Variants in MYT1L observed in about 807,000 individuals in gnomAD.
MYT1L encodes myelin transcription factor 1 like.
In MYT1L, 12 loss-of-function variants were observed where a neutral mutation model predicts 126.7. That is an observed-to-expected ratio of 0.09 (90% CI 0.06 to 0.15). The LOEUF is 0.15. MYT1L is among the 10% of genes least tolerant of loss of function. MYT1L has a pLI of 1.00. For synonymous variants in MYT1L, 541 were observed against 604.2 expected, an observed-to-expected ratio of 0.90 and a Z score of 1.53; for missense variants, 979 against 1,585.2, an observed-to-expected ratio of 0.62 and a Z score of 6.49.
intron 1 of MYT1L, chr2:2,319,315 A>G (rs1184553037): frequency 6.6e-6 from 1 of 152,180 alleles, no homozygotes; most frequent in Non-Finnish European, 1.5e-5. Context: ...AAACTGCAGA[A>G]CAGACCCCTG....
At chr2:2,130,497 T>C (rs1361626875) in intron 3 of MYT1L, among the ~76,000 whole-genome samples, 1 of 152,088 alleles carries the variant, frequency 6.6e-6, no homozygotes, top group African/African-American at 2.4e-5. Context: ...TCTGCAGCAG[T>C]GGTCTCGAGT....
At chr2:1,794,498 G>A (rs1039641940) in intron 23 of MYT1L, among the ~76,000 whole-genome samples, 2 of 152,368 alleles carry the variant, frequency 1.3e-5, no homozygotes, top group Admixed American at 1.3e-4. Flanking sequence ...GGGGCCCAGA[G>A]TAAACGGAAG....
At chr2:2,102,259 A>G (rs538773898) in intron 3 of MYT1L, among the ~76,000 whole-genome samples, 132 of 152,310 alleles carry the variant, frequency 8.7e-4, no homozygotes, top group Non-Finnish European at 1.6e-3. Context: ...AAATGTTTGT[A>G]TATCAAACAT....
Position 1,947,652 on chromosome 2 carries a change from G to A in MYT1L, c.153-4318C>T, listed in dbSNP as rs114698911. Among the ~76,000 whole-genome samples the A allele has an allele frequency of 3.9e-3, 592 of 152,334 alleles. 8 individuals carry two copies. The highest frequency in any genetic ancestry group is 0.014 in the African/African-American group (574 of 41,586). Reference sequence around the variant, plus strand: ...ATTGCTTTTCCATCTCCTGGCAGCTGCCATGGCTCCTACTCCATTAGAACT... The same window carrying A: ...ATTGCTTTTCCATCTCCTGGCAGCTACCATGGCTCCTACTCCATTAGAACT... On this transcript the variant is annotated intron_variant, in intron 8 of 24. Transcript: ENST00000647738.
chr2:2,188,964 C>G (rs2092398514), intron 2 of MYT1L, among the ~76,000 whole-genome samples: 2 of 152,112 alleles, frequency 1.3e-5, no homozygotes, highest in Admixed American at 1.3e-4. Flanking sequence ...TTCAAGTGAG[C>G]GTGTTTACTC....
At chr2:2,221,200 A>T (rs1455775156) in intron 2 of MYT1L, among the ~76,000 whole-genome samples, 1 of 152,178 alleles carries the variant, frequency 6.6e-6, no homozygotes, top group African/African-American at 2.4e-5. Flanking sequence ...CGCTTCCTGA[A>T]GAACTTGGGG....
intron 3 of MYT1L, among the ~76,000 whole-genome samples, chr2:2,087,166 C>T (rs1483972228): frequency 6.6e-6 from 1 of 152,186 alleles, no homozygotes; most frequent in Admixed American, 6.5e-5. Flanking sequence ...CCTTCAGTTT[C>T]TCTTTCAGTC....
At chr2:2,085,984 C>A (rs1480917257) in intron 3 of MYT1L, among the ~76,000 whole-genome samples, 1 of 152,236 alleles carries the variant, frequency 6.6e-6, no homozygotes, top group Non-Finnish European at 1.5e-5. Context: ...CAACCTACCG[C>A]TAGTATTTCT....
chr2:1,900,961 C>T (rs2050266679), intron 14 of MYT1L, among the ~76,000 whole-genome samples: 1 of 152,220 alleles, frequency 6.6e-6, no homozygotes, highest in African/African-American at 2.4e-5. Context: ...AGTGCGTCCT[C>T]ACACCCATCC....
chr2:2,131,020 T>C (rs1019774021), intron 3 of MYT1L, among the ~76,000 whole-genome samples: 2 of 152,174 alleles, frequency 1.3e-5, no homozygotes, highest in Admixed American at 1.3e-4. Flanking sequence ...GACCCCTAAA[T>C]AGTTTTTAAA....
At chr2:1,846,853 GC>G (rs1361203584) in intron 19 of MYT1L, among the ~76,000 whole-genome samples, 2 of 152,184 alleles carry the variant, frequency 1.3e-5, no homozygotes, top group Non-Finnish European at 1.5e-5. Context: ...GGTTCCCAAG[GC>G]CCCCTGGTGA....
intron 1 of MYT1L, among the ~76,000 whole-genome samples, chr2:2,298,793 G>T (rs970246178): frequency 5.3e-5 from 8 of 152,146 alleles, no homozygotes; most frequent in Admixed American, 5.2e-4. Context: ...CACACGTCCC[G>T]CAGTGCTCAG....
intron 3 of MYT1L, among the ~76,000 whole-genome samples, chr2:2,095,817 G>A (rs1423536765): frequency 6.6e-6 from 1 of 152,160 alleles, no homozygotes; most frequent in Non-Finnish European, 1.5e-5. Context: ...ACTTTACTCT[G>A]TCCAGCTGTC....
At chr2:1,942,309 G>A (rs748717933) in intron 9 of MYT1L, among the ~76,000 whole-genome samples, 6 of 152,170 alleles carry the variant, frequency 3.9e-5, no homozygotes, top group Admixed American at 1.3e-4. Flanking sequence ...CCATGTCACC[G>A]TAAACGCACT....
intron 4 of MYT1L, among the ~76,000 whole-genome samples, chr2:2,038,651 G>C (rs1055804265): frequency 1.3e-5 from 2 of 151,994 alleles, no homozygotes. Context: ...GTAATGTGAC[G>C]TTGCTTGTTT....
At chr2:1,844,790 A>G (rs1222832409) in intron 19 of MYT1L, among the ~76,000 whole-genome samples, 1 of 152,106 alleles carries the variant, frequency 6.6e-6, no homozygotes. Context: ...TTTGAACCTA[A>G]CAAAAAGTCG....
intron 3 of MYT1L, among the ~76,000 whole-genome samples, chr2:2,104,368 C>T (rs1282896784): frequency 1.3e-5 from 2 of 152,220 alleles, no homozygotes; most frequent in East Asian, 1.9e-4. Flanking sequence ...CATGGTACTG[C>T]AGTCAACCAC....
At chr2:2,102,698 C>T (rs1246281492) in intron 3 of MYT1L, among the ~76,000 whole-genome samples, 1 of 151,154 alleles carries the variant, frequency 6.6e-6, no homozygotes, top group African/African-American at 2.4e-5. Flanking sequence ...ATCTAATTAA[C>T]TTGATCCGTG....
chr2:1,823,311 C>T (rs147720601), intron 21 of MYT1L, among the ~76,000 whole-genome samples: 209 of 152,290 alleles, frequency 1.4e-3, no homozygotes, highest in African/African-American at 4.9e-3. Context: ...GGCTGTGAGG[C>T]TGTTGTTGCT....
Sources: allele counts gnomAD v4.1 joint callset (sites outside exome capture counted in the v4.1 genomes callset), GRCh38; gene constraint gnomAD v4.1.1; transcripts MANE v1.5; gene names NCBI Gene and HGNC (gene_info 2026-07-23, HGNC 2026-07-21).